The following ABL1 variants were observed in gnomAD, a reference collection of about 807,000 sequenced individuals.
The protein encoded by ABL1 is ABL proto-oncogene 1, non-receptor tyrosine kinase.
In ABL1, 11 loss-of-function variants were observed where a neutral mutation model predicts 94.7. The observed-to-expected ratio is 0.12, with a 90% CI of 0.07 to 0.19. ABL1 has a LOEUF of 0.19. Ranked by LOEUF, ABL1 falls within the 10% of genes least tolerant of loss-of-function variation. The pLI is 1.00. For missense variants in ABL1, 1,082 were observed against 1,489.4 expected (o/e 0.73, Z 4.50); for synonymous variants, 656 against 622.4 (o/e 1.05, Z -0.80).
At chr9:130,783,169 A>G (rs1001085391) in intron 1 of ABL1, among the ~76,000 whole-genome samples, 4 of 152,252 alleles carry the variant, frequency 2.6e-5, no homozygotes, top group African/African-American at 9.6e-5. Context: ...GATGGATTAG[A>G]TGGCCTGTGG....
chr9:130,787,010 A>C (rs1414908752), intron 1 of ABL1, among the ~76,000 whole-genome samples: 1 of 151,956 alleles, frequency 6.6e-6, no homozygotes, highest in African/African-American at 2.4e-5. Flanking sequence ...TGTTGCATTG[A>C]TCTCTTTATC....
intron 1 of ABL1, among the ~76,000 whole-genome samples, chr9:130,718,333 A>AG (rs1206365099): frequency 1.3e-5 from 2 of 151,608 alleles, no homozygotes; most frequent in Admixed American, 6.6e-5. Flanking sequence ...AAAAAAAAAA[A>AG]AAAAGAAACT....
rs554956134 is a variant in ABL1 at position 130,823,548 on chromosome 9, G to A, written c.137-30516G>A. Among the ~76,000 whole-genome samples, 8 of 152,256 alleles carry A rather than the reference G, an allele frequency of 5.3e-5. 1 individual carries two copies. The South Asian group carries it at 1.7e-3, about 32-fold the overall frequency. ...GGCTCCTCAGGGTCAGACACCTCCT[G>A]TCCCTTACTCTGTAAGGCACAGCTT... On this transcript the variant is annotated intron_variant, in intron 1 of 10. Coordinates refer to the ABL1 transcript ENST00000372348.
rs937080898 is a variant in ABL1 at position 130,814,657 on chromosome 9, C to A, written c.137-39407C>A. On this transcript the variant is annotated intron_variant, in intron 1 of 10. Transcript: ENST00000372348. The surrounding 1 kb of genome is among the most constrained non-coding windows in gnomAD (Gnocchi z 4.4). The stretch of plus-strand genomic sequence containing the variant: ...CTTTGGTAGGCCGAGGTGGGCGGAT[C>A]ACGAGGTCAGGAGACCGAGACCATC... 3.9e-5 allele frequency among the ~76,000 whole-genome samples: 6 copies of A among 152,148 alleles called. No homozygotes were observed. Among genetic ancestry groups the A allele is most frequent in the African/African-American group, 1.4e-4 (6 of 41,432 alleles).
chr9:130,773,043 G>A lies in ABL1; in HGVS notation c.136+58588G>A, dbSNP rs963689617. 3.3e-5 allele frequency among the ~76,000 whole-genome samples: 5 copies of A among 152,168 alleles called. No homozygotes were observed. In the South Asian group the frequency reaches 8.3e-4, roughly 25 times the overall value. Reference sequence around the variant, plus strand: ...CTATAAAATAAAAGATGAGCTGGCCGGGTGCAGCGGCTCACACCTGTAATC... The same window carrying A: ...CTATAAAATAAAAGATGAGCTGGCCAGGTGCAGCGGCTCACACCTGTAATC... On this transcript the variant is annotated intron_variant, in intron 1 of 10. Coordinates refer to the ABL1 transcript ENST00000372348.
intron 1 of ABL1, among the ~76,000 whole-genome samples, chr9:130,784,199 A>G (rs1829796256): frequency 1.3e-5 from 2 of 152,238 alleles, no homozygotes; most frequent in Non-Finnish European, 1.5e-5. Flanking sequence ...GATACATAAA[A>G]TAAAGGCACC....
chr9:130,827,978 C>T (rs1352382515), intron 1 of ABL1, among the ~76,000 whole-genome samples: 1 of 146,946 alleles, frequency 6.8e-6, no homozygotes, highest in Non-Finnish European at 1.5e-5. Flanking sequence ...AAAAAAAGAA[C>T]TATTCTTTGC....
At chr9:130,849,706 C>T (rs1830827520) in intron 1 of ABL1, among the ~76,000 whole-genome samples, 2 of 152,034 alleles carry the variant, frequency 1.3e-5, no homozygotes, top group African/African-American at 2.4e-5. Context: ...TTAGTAGAGA[C>T]GGGGTTTCAC....
intron 1 of ABL1, among the ~76,000 whole-genome samples, chr9:130,726,959 A>G (rs1265056031): frequency 3.9e-5 from 6 of 152,192 alleles, no homozygotes; most frequent in Non-Finnish European, 8.8e-5. Context: ...TTTGATTTCC[A>G]AGTATTTGGG....
intron 1 of ABL1, among the ~76,000 whole-genome samples, chr9:130,760,374 CT>C (rs1588227970): frequency 2.0e-5 from 3 of 152,126 alleles, no homozygotes; most frequent in South Asian, 4.1e-4. Flanking sequence ...TACTGTCCCC[CT>C]GATCATTACT....
intron 1 of ABL1, among the ~76,000 whole-genome samples, chr9:130,776,508 C>T (rs575396052): frequency 3.3e-5 from 5 of 151,322 alleles, no homozygotes; most frequent in African/African-American, 7.3e-5. Context: ...ACCTGGGAGG[C>T]GGAGGTTGCA....
chr9:130,777,564 C>G (rs1276478998), intron 1 of ABL1, among the ~76,000 whole-genome samples: 18 of 106,310 alleles, frequency 1.7e-4, no homozygotes, highest in South Asian at 1.3e-3. Flanking sequence ...TTGGTACTTT[C>G]TAGACTGTGA....
chr9:130,841,673 G>T (rs575327557), intron 1 of ABL1, among the ~76,000 whole-genome samples: 2 of 151,810 alleles, frequency 1.3e-5, no homozygotes, highest in African/African-American at 4.8e-5. Context: ...TTAGCCAGGC[G>T]TAGTGGGGAG....
chr9:130,827,809 G>C lies in ABL1; in HGVS notation c.137-26255G>C, dbSNP rs998848616. Reference sequence around the variant, plus strand: ...ATTGGGAGGCTGAGGCAGGAGAATTGCTTGAACCTGGGAGGCATAGCTTGC... The same window carrying C: ...ATTGGGAGGCTGAGGCAGGAGAATTCCTTGAACCTGGGAGGCATAGCTTGC... On this transcript the variant is annotated intron_variant, in intron 1 of 10. Coordinates refer to the ABL1 transcript ENST00000372348. Among the ~76,000 whole-genome samples the C allele has an allele frequency of 3.3e-5, 5 of 151,934 alleles. No homozygotes were observed. In the East Asian group the frequency reaches 9.7e-4, roughly 29 times the overall value.
chr9:130,769,329 CTTT>C (rs372838676), intron 1 of ABL1, among the ~76,000 whole-genome samples: 62 of 84,318 alleles, frequency 7.4e-4, no homozygotes, highest in African/African-American at 2.7e-3. Context: ...TGGCCCTAGT[CTTT>C]TTTTTTTTTT....
chr9:130,728,682 G>A (rs938502820), intron 1 of ABL1, among the ~76,000 whole-genome samples: 2 of 133,998 alleles, frequency 1.5e-5, no homozygotes, highest in African/African-American at 3.1e-5. Flanking sequence ...GAGCCACTGC[G>A]CCCAGCCTGT....
intron 1 of ABL1, among the ~76,000 whole-genome samples, chr9:130,788,971 ATTTGCTT>A (rs1829867258): frequency 6.6e-6 from 1 of 151,930 alleles, no homozygotes; most frequent in African/African-American, 2.4e-5. Context: ...TCTTGCATCT[ATTTGCTT>A]TTCGGTTTTT....
At chr9:130,766,671 T>C (rs942859744) in intron 1 of ABL1, among the ~76,000 whole-genome samples, 5 of 152,112 alleles carry the variant, frequency 3.3e-5, no homozygotes, top group African/African-American at 1.2e-4. Flanking sequence ...CCTTGCCTCC[T>C]CCTCTGCCCT....
In ABL1 at chr9:130,867,952, CTTTTTG is replaced by C. The variant is rs1322803174; in HGVS notation, c.823-4159_823-4154del. On this transcript the variant is annotated intron_variant, in intron 4 of 10. Transcript: ENST00000318560. ...CCCTCCAGTGGTTTTTTTTTTTTTG[CTTTTTG>C]TTTTTGTTTTTGTTTTTTTGAGACA... 3.8e-5 allele frequency among the ~76,000 whole-genome samples: 5 copies of C among 132,530 alleles called. No homozygotes were observed. In the South Asian group the frequency reaches 7.6e-4, roughly 20 times the overall value. 86.9% of individuals were successfully genotyped at this position (132,530 alleles called of 152,430 possible).
Sources: allele counts gnomAD v4.1 joint callset (sites outside exome capture counted in the v4.1 genomes callset), GRCh38; gene constraint gnomAD v4.1.1; non-coding constraint Gnocchi (gnomAD v3.1); transcripts MANE v1.5; gene names NCBI Gene and HGNC (gene_info 2026-07-23, HGNC 2026-07-21).